Variants in MCTP1 observed in about 807,000 individuals in gnomAD.
MCTP1 encodes multiple C2 and transmembrane domain containing 1.
Under a neutral mutation model 120.6 loss-of-function variants are expected in MCTP1, and 69 were observed. The observed-to-expected ratio is 0.57, with a 90% CI of 0.47 to 0.70. The LOEUF is 0.70. Ranked by LOEUF, MCTP1 falls within the 30% of genes least tolerant of loss-of-function variation. The pLI, the probability that MCTP1 is intolerant of heterozygous loss-of-function variation, is 0.00. For missense variants in MCTP1, 1,203 were observed against 1,248.8 expected, an observed-to-expected ratio of 0.96 and a Z score of 0.55; for synonymous variants, 529 against 493.1, an observed-to-expected ratio of 1.07 and a Z score of -0.96.
intron 1 of MCTP1, among the ~76,000 whole-genome samples, chr5:95,044,809 C>A (rs925591008): frequency 2.0e-5 from 3 of 151,828 alleles, no homozygotes; most frequent in African/African-American, 4.8e-5. Flanking sequence ...TTCCCATACC[C>A]ATCCCCAGAC....
intron 6 of MCTP1, among the ~76,000 whole-genome samples, chr5:94,925,527 G>A (rs1369965688): frequency 1.3e-5 from 2 of 151,920 alleles, no homozygotes; most frequent in Admixed American, 6.6e-5. Context: ...TCCTGCCTCA[G>A]CCTCCCAAGT....
At chr5:94,951,323 T>C (rs893656685) in intron 3 of MCTP1, among the ~76,000 whole-genome samples, 3 of 152,222 alleles carry the variant, frequency 2.0e-5, no homozygotes, top group Non-Finnish European at 2.9e-5. Flanking sequence ...TGAATACTTA[T>C]TCTTGAGCAC....
At chr5:94,820,922 C>T (rs989093364) in intron 17 of MCTP1, among the ~76,000 whole-genome samples, 2 of 152,142 alleles carry the variant, frequency 1.3e-5, no homozygotes, top group South Asian at 2.1e-4. Flanking sequence ...GAGATAGGCG[C>T]TTTTCATACT....
chr5:95,070,257 C>A (rs986852464), intron 1 of MCTP1, among the ~76,000 whole-genome samples: 2 of 152,248 alleles, frequency 1.3e-5, no homozygotes, highest in African/African-American at 4.8e-5. Context: ...GCCTCTCACC[C>A]TCTGAGGAAG....
chr5:95,038,826 A>G (rs762681525), intron 1 of MCTP1, among the ~76,000 whole-genome samples: 1 of 152,214 alleles, frequency 6.6e-6, no homozygotes, highest in African/African-American at 2.4e-5. Flanking sequence ...ACATTAGGCT[A>G]TAAGTCATGA....
At position 94,704,213 on chromosome 5, in the gene MCTP1, A is replaced by G. The variant is rs1754049711; in HGVS notation, c.*3283T>C. 6.6e-6 allele frequency: 1 copy of G among 151,586 alleles called. No homozygotes were observed. Among genetic ancestry groups the G allele is most frequent in the Admixed American group, 6.6e-5 (1 of 15,174 alleles). 9.4% of individuals were successfully genotyped at this position (151,586 alleles called of 1,614,324 possible). On this transcript the variant is annotated 3_prime_UTR_variant, in exon 23 of 23. Coordinates refer to ENST00000515393, the MANE Select transcript of MCTP1 (RefSeq NM_024717.7). ...CATCATCTGTACACTCACTCACACT[A>G]GAGTGTGAAATCACGCTATTCATTT...
chr5:95,036,571 T>A (rs1429350866), intron 1 of MCTP1, among the ~76,000 whole-genome samples: 1 of 152,216 alleles, frequency 6.6e-6, no homozygotes, highest in Non-Finnish European at 1.5e-5. Context: ...GTATCTGAGT[T>A]TCCTCGTCAG....
chr5:95,003,514 T>C (rs1381421505), intron 2 of MCTP1, among the ~76,000 whole-genome samples: 2 of 152,236 alleles, frequency 1.3e-5, no homozygotes, highest in African/African-American at 4.8e-5. Context: ...CATTAAGCAA[T>C]GCATGACCAA....
At position 94,837,394 on chromosome 5, in the gene MCTP1, A is replaced by C. The variant is rs149378455; in HGVS notation, c.2436+30939T>G. On this transcript the variant is annotated intron_variant, in intron 17 of 22. Coordinates refer to ENST00000515393, the MANE Select transcript of MCTP1 (RefSeq NM_024717.7). ...ACACCCTGTCTCAAACAAACAAAAC[A>C]AAACAAAAATGACACAGGGAACTAG... Among the ~76,000 whole-genome samples the C allele has an allele frequency of 4.9e-3, 741 of 152,218 alleles. 6 individuals are homozygous for C. Among genetic ancestry groups the C allele is most frequent in the African/African-American group, 0.017 (688 of 41,536 alleles).
intron 1 of MCTP1, chr5:95,081,484 G>C: frequency 6.2e-7 from 1 of 1,610,660 alleles, no homozygotes; most frequent in Non-Finnish European, 8.5e-7. Context: ...GTCTAGCATA[G>C]TTGATTAGAA....
intron 2 of MCTP1, among the ~76,000 whole-genome samples, chr5:94,975,150 C>T (rs1339471692): frequency 2.0e-5 from 3 of 151,946 alleles, no homozygotes; most frequent in South Asian, 4.2e-4. Context: ...AGAAGACTGG[C>T]CATGGTGGGG....
At chr5:94,714,143 T>C (rs1363702446) in intron 20 of MCTP1, among the ~76,000 whole-genome samples, 1 of 152,130 alleles carries the variant, frequency 6.6e-6, no homozygotes, top group Non-Finnish European at 1.5e-5. Flanking sequence ...AGAATGTAAG[T>C]TTCTTAATTT....
At chr5:95,204,444 C>T (rs952150531) in intron 1 of MCTP1, among the ~76,000 whole-genome samples, 1 of 152,148 alleles carries the variant, frequency 6.6e-6, no homozygotes, top group African/African-American at 2.4e-5. Context: ...TGAATACTTC[C>T]CCCTGACCCT....
At chr5:95,219,554 T>C (rs997823410) in intron 1 of MCTP1, among the ~76,000 whole-genome samples, 8 of 152,118 alleles carry the variant, frequency 5.3e-5, no homozygotes, top group African/African-American at 1.9e-4. Context: ...CGCCCTGGAC[T>C]CCCTACGGTC....
chr5:94,707,399 A>AAAT lies in MCTP1; in HGVS notation c.*94_*96dup, dbSNP rs1411702763. On this transcript the variant is annotated 3_prime_UTR_variant, in exon 23 of 23. Coordinates refer to ENST00000515393, the MANE Select transcript of MCTP1 (RefSeq NM_024717.7). ...CTCGATCATGATAAAAAGGCAAAAT[A>AAAT]AATAAAAAGCAGAAAGAAAGGAAAT... is the stretch of plus-strand genomic sequence containing the variant. 11 of 937,242 alleles carry AAAT rather than the reference A, an allele frequency of 1.2e-5. No homozygotes were observed. The African/African-American group carries it at 1.8e-4, about 16-fold the overall frequency. 58.1% of individuals were successfully genotyped at this position (937,242 alleles called of 1,614,324 possible). A position where few individuals can be genotyped will look rare whatever the true frequency, so the allele number is the denominator to read the frequency against.
intron 2 of MCTP1, among the ~76,000 whole-genome samples, chr5:94,956,174 C>A (rs565064762): frequency 1.2e-4 from 18 of 152,268 alleles, no homozygotes; most frequent in African/African-American, 4.3e-4. Flanking sequence ...GAAGAGGGAC[C>A]TGACTGTTAG....
chr5:95,241,309 C>T (rs1035383148), intron 1 of MCTP1, among the ~76,000 whole-genome samples: 1 of 152,166 alleles, frequency 6.6e-6, no homozygotes. Flanking sequence ...AGTATGGCAG[C>T]TGCTTTGCAG....
At chr5:95,222,136 G>C (rs927357270) in intron 1 of MCTP1, among the ~76,000 whole-genome samples, 9 of 152,248 alleles carry the variant, frequency 5.9e-5, no homozygotes, top group African/African-American at 1.9e-4. Flanking sequence ...ATGAGGTCAG[G>C]CACCCAGGTT....
At chr5:95,240,525 T>C (rs1033976805) in intron 1 of MCTP1, among the ~76,000 whole-genome samples, 1 of 152,198 alleles carries the variant, frequency 6.6e-6, no homozygotes, top group African/African-American at 2.4e-5. Context: ...CCCTTGACAG[T>C]AATTTCTGGT....
Sources: gnomAD v4.1 joint callset for allele counts (sites outside exome capture counted in the v4.1 genomes callset) on GRCh38, gnomAD v4.1.1 for gene constraint, MANE v1.5 for transcripts, NCBI Gene and HGNC (gene_info 2026-07-23, HGNC 2026-07-21) for gene names.